Variants in TPTE2 observed in about 807,000 individuals in gnomAD.
TPTE2 encodes the protein transmembrane phosphoinositide 3-phosphatase and tensin homolog 2.
Under a neutral mutation model 78.6 loss-of-function variants are expected in TPTE2, and 53 were observed. That is an observed-to-expected ratio of 0.67 (90% CI 0.54 to 0.85). The LOEUF is 0.85. Among genes scored for constraint, TPTE2 ranks in the 40% least tolerant of loss-of-function variants. The probability of loss-of-function intolerance (pLI) is 0.00; values close to 1 mark genes in which losing one functional copy is unlikely to be tolerated. For missense variants in TPTE2, 461 were observed against 623.0 expected (o/e 0.74, Z 2.77); for synonymous variants, 175 against 206.2 (o/e 0.85, Z 1.30).
chr13:19,462,652 C>T (rs1227810116), intron 10 of TPTE2, among the ~76,000 whole-genome samples: 1 of 151,118 alleles, frequency 6.6e-6, no homozygotes, highest in African/African-American at 2.4e-5. Flanking sequence ...AAGCAATTCT[C>T]GTGATTTAGC....
At chr13:19,450,303 T>C (rs1177122391) in exon 12 of TPTE2, 4 of 1,611,362 alleles carry the variant, frequency 2.5e-6, no homozygotes, top group East Asian at 2.2e-5. Flanking sequence ...ATGATTCTAC[T>C]GACCCTATTA....
chr13:19,482,530 G>T, exon 4 of TPTE2: 2 of 1,611,122 alleles, frequency 1.2e-6, no homozygotes, highest in South Asian at 1.1e-5. Context: ...TTCAAACTTG[G>T]AAAGTCGTTC....
At chr13:19,476,236 G>A (rs1879929889) in intron 4 of TPTE2, among the ~76,000 whole-genome samples, 1 of 151,980 alleles carries the variant, frequency 6.6e-6, no homozygotes, top group Non-Finnish European at 1.5e-5. Flanking sequence ...AAAGGAAGGA[G>A]AACCTGTTTG....
intron 1 of TPTE2, among the ~76,000 whole-genome samples, chr13:19,531,630 T>TAA (rs35886221): frequency 7.0e-4 from 104 of 147,888 alleles, no homozygotes; most frequent in Admixed American, 1.0e-3. Flanking sequence ...GGTATTTAGT[T>TAA]AAAAAAAAAA....
chr13:19,474,376 A>G (rs1593380677), intron 5 of TPTE2, among the ~76,000 whole-genome samples: 4 of 152,350 alleles, frequency 2.6e-5, no homozygotes, highest in Admixed American at 2.6e-4. Flanking sequence ...AGAGAAAAGC[A>G]AAACTGAATT....
intron 7 of TPTE2, among the ~76,000 whole-genome samples, chr13:19,466,988 T>C (rs1377784349): frequency 8.5e-5 from 13 of 152,228 alleles, no homozygotes; most frequent in Non-Finnish European, 1.9e-4. Flanking sequence ...CTTTGGGTAC[T>C]GCCATCTTCT....
chr13:19,477,947 T>C (rs1023050505), intron 4 of TPTE2, among the ~76,000 whole-genome samples: 18 of 152,204 alleles, frequency 1.2e-4, no homozygotes, highest in Non-Finnish European at 2.5e-4. Flanking sequence ...AGCCTCCATG[T>C]ACCTTTCCTA....
chr13:19,477,412 G>A (rs977206530), intron 4 of TPTE2, among the ~76,000 whole-genome samples: 16 of 152,118 alleles, frequency 1.1e-4, no homozygotes, highest in African/African-American at 3.6e-4. Flanking sequence ...ATGATGTTAG[G>A]TTAACCTGAG....
intron 1 of TPTE2, among the ~76,000 whole-genome samples, chr13:19,514,592 A>AGAGTGTGT (rs542178212): frequency 1.0e-4 from 13 of 126,822 alleles, no homozygotes; most frequent in East Asian, 2.7e-4. Context: ...TACTTCTGAG[A>AGAGTGTGT]GTGTGTGTGT....
intron 15 of TPTE2, among the ~76,000 whole-genome samples, chr13:19,433,933 A>G (rs1276145748): frequency 1.3e-5 from 2 of 152,224 alleles, no homozygotes; most frequent in African/African-American, 4.8e-5. Flanking sequence ...AAGGAGCTCC[A>G]TCTAGCATCC....
chr13:19,453,833 C>A (rs781009733), intron 10 of TPTE2, among the ~76,000 whole-genome samples: 1 of 151,996 alleles, frequency 6.6e-6, no homozygotes, highest in African/African-American at 2.4e-5. Context: ...TAATTGTATA[C>A]CTGATTTTTC....
At chr13:19,468,809 T>A (rs2497252) in intron 6 of TPTE2, among the ~76,000 whole-genome samples, 1 of 152,152 alleles carries the variant, frequency 6.6e-6, no homozygotes, top group Non-Finnish European at 1.5e-5. Context: ...TTTACCATCT[T>A]TATGTTTTCT....
chr13:19,429,992 C>A (rs1263178490), intron 17 of TPTE2, among the ~76,000 whole-genome samples: 4 of 152,094 alleles, frequency 2.6e-5, no homozygotes, highest in African/African-American at 9.7e-5. Flanking sequence ...TCTATAGATT[C>A]CTGGGCCCCA....
chr13:19,447,885 G>A (rs1329432147), intron 13 of TPTE2, among the ~76,000 whole-genome samples: 1 of 152,042 alleles, frequency 6.6e-6, no homozygotes, highest in African/African-American at 2.4e-5. Flanking sequence ...AAAAATTCCA[G>A]CATAATTTTT....
Position 19,464,527 on chromosome 13 carries a change from G to C in TPTE2, c.677-7C>G. 6.2e-7 allele frequency: 1 copy of C among 1,611,860 alleles called. No homozygotes were observed. Among genetic ancestry groups the C allele is most frequent in the Non-Finnish European group, 8.5e-7 (1 of 1,178,816 alleles). On this transcript the variant is annotated splice_region_variant and splice_polypyrimidine_tract_variant and intron_variant, in intron 9 of 19. Transcript: ENST00000400230. ...GACATAGCAATAATACGTTCTGAAA[G>C]TCAAAATCATCACTATTACAAACAT... is the stretch of plus-strand genomic sequence containing the variant.
chr13:19,551,671 G>A, the TPTE2 span, among the ~76,000 whole-genome samples: 1 of 151,872 alleles, frequency 6.6e-6, no homozygotes. Flanking sequence ...CCTATAAAAA[G>A]CAACATTTTA....
At chr13:19,438,058 T>C in intron 14 of TPTE2, 34 bp downstream of exon 17, 16 of 1,597,500 alleles carry the variant, frequency 1.0e-5, no homozygotes, top group Non-Finnish European at 1.4e-5. Flanking sequence ...AACTCAATCA[T>C]CATAAGAGAA....
chr13:19,534,974 G>A lies in TPTE2; in HGVS notation c.-44+1622C>T, dbSNP rs562386027. On this transcript the variant is annotated intron_variant, in intron 1 of 17. Transcript: ENST00000390680. ...TCTCAGAACTTCGGGAGGCCGAGAC[G>A]GGTGTTATCACTTGAGGTCAGGAGT... 1.4e-4 allele frequency among the ~76,000 whole-genome samples: 22 copies of A among 152,144 alleles called. No individual in the cohort carries two copies. The East Asian group carries it at 3.9e-3, about 27-fold the overall frequency.
chr13:19,561,555 G>A, the TPTE2 span, among the ~76,000 whole-genome samples: 78 of 152,306 alleles, frequency 5.1e-4, no homozygotes, highest in Non-Finnish European at 7.2e-4. Flanking sequence ...CTTCCCGGCC[G>A]TTGCGATGAC....
Sources: gnomAD v4.1 joint callset for allele counts (sites outside exome capture counted in the v4.1 genomes callset) on GRCh38, gnomAD v4.1.1 for gene constraint, MANE v1.5 for transcripts, NCBI Gene and HGNC (gene_info 2026-07-23, HGNC 2026-07-21) for gene names.